The following FAM53A variants were observed in gnomAD, a reference collection of about 807,000 sequenced individuals.
FAM53A encodes family with sequence similarity 53 member A.
A neutral mutation model predicts 26.6 loss-of-function variants in FAM53A; 28 were observed. The observed-to-expected ratio is 1.05, with a 90% CI of 0.78 to 1.45. The LOEUF (loss-of-function observed/expected upper bound fraction) is 1.45. FAM53A is among the 40% of genes most tolerant of loss of function. FAM53A has a pLI of 0.00. For missense variants in FAM53A, 650 were observed against 575.8 expected (o/e 1.13, Z -1.32); for synonymous variants, 290 against 253.1 (o/e 1.15, Z -1.38).
chr4:1,584,022 T>C, the FAM53A span, among the ~76,000 whole-genome samples: 1 of 152,212 alleles, frequency 6.6e-6, no homozygotes, highest in Non-Finnish European at 1.5e-5. Context: ...CCCTTTTTCT[T>C]TTGGAGGCCT....
the FAM53A span, among the ~76,000 whole-genome samples, chr4:1,606,398 C>T: frequency 2.6e-5 from 4 of 151,962 alleles, no homozygotes; most frequent in Non-Finnish European, 4.4e-5. Flanking sequence ...CACTCCCCAC[C>T]CCTCCACGGT....
downstream of FAM53A, among the ~76,000 whole-genome samples, chr4:1,614,988 C>T (rs1156418879): frequency 6.6e-6 from 1 of 152,194 alleles, no homozygotes; most frequent in Non-Finnish European, 1.5e-5. Context: ...AAAAACATGG[C>T]ACACGCAAAC....
chr4:1,625,761 A>ATGTGGT (rs1307313175), intron 1 of FAM53A, among the ~76,000 whole-genome samples: 2 of 124,632 alleles, frequency 1.6e-5, no homozygotes, highest in African/African-American at 6.5e-5. Flanking sequence ...GTCCCGGCCC[A>ATGTGGT]CATGGTCAGG....
At chr4:1,588,187 T>C in the FAM53A span, among the ~76,000 whole-genome samples, 1 of 152,250 alleles carries the variant, frequency 6.6e-6, no homozygotes, top group African/African-American at 2.4e-5. Flanking sequence ...GCGTCCTTCC[T>C]CAGGTGAATT....
At chr4:1,583,142 G>A in the FAM53A span, among the ~76,000 whole-genome samples, 1 of 152,180 alleles carries the variant, frequency 6.6e-6, no homozygotes, top group East Asian at 1.9e-4. Flanking sequence ...GGGTGTGCTG[G>A]GTGAACACAC....
chr4:1,598,658 AAAG>A, the FAM53A span, among the ~76,000 whole-genome samples: 1 of 152,240 alleles, frequency 6.6e-6, no homozygotes, highest in African/African-American at 2.4e-5. Context: ...CTTTAAAAAA[AAAG>A]AGCCACTGAT....
At chr4:1,604,889 G>C in the FAM53A span, among the ~76,000 whole-genome samples, 1 of 152,134 alleles carries the variant, frequency 6.6e-6, no homozygotes, top group African/African-American at 2.4e-5. Flanking sequence ...CTGTCTGCCA[G>C]CTGCTCCCAG....
chr4:1,638,929 C>G (rs770466714), downstream of FAM53A, among the ~76,000 whole-genome samples: 1 of 152,194 alleles, frequency 6.6e-6, no homozygotes, highest in Non-Finnish European at 1.5e-5. Context: ...CGGGAGGGGA[C>G]GCCGGGTGGA....
intron 1 of FAM53A, among the ~76,000 whole-genome samples, chr4:1,681,525 T>G (rs1288631200): frequency 8.0e-6 from 1 of 124,748 alleles, no homozygotes; most frequent in Admixed American, 8.0e-5. Context: ...ACTCAAATCT[T>G]TTTTTTTTTT....
intron 1 of FAM53A, among the ~76,000 whole-genome samples, chr4:1,622,855 G>A (rs1715106532): frequency 6.6e-6 from 1 of 152,184 alleles, no homozygotes; most frequent in South Asian, 2.1e-4. Flanking sequence ...TGCCTCGAGG[G>A]GCCCCTGCCA....
chr4:1,580,446 C>A, the FAM53A span, among the ~76,000 whole-genome samples: 2 of 152,176 alleles, frequency 1.3e-5, no homozygotes, highest in African/African-American at 4.8e-5. Flanking sequence ...TGGGGCAGAA[C>A]CGGACGGCGC....
intron 1 of FAM53A, among the ~76,000 whole-genome samples, chr4:1,676,451 G>A (rs1715049763): frequency 6.6e-6 from 1 of 152,086 alleles, no homozygotes; most frequent in Non-Finnish European, 1.5e-5. Flanking sequence ...TACTGGGGGG[G>A]GTCAGGACTT....
At chr4:1,584,714 C>G in the FAM53A span, among the ~76,000 whole-genome samples, 2 of 152,260 alleles carry the variant, frequency 1.3e-5, no homozygotes, top group African/African-American at 2.4e-5. Flanking sequence ...TGTGGCCCCT[C>G]CAGCATGGCG....
At chr4:1,602,031 G>A in the FAM53A span, among the ~76,000 whole-genome samples, 1 of 150,822 alleles carries the variant, frequency 6.6e-6, no homozygotes, top group East Asian at 2.0e-4. Context: ...TGGGATGGTG[G>A]AGGTGGGCCG....
the FAM53A span, among the ~76,000 whole-genome samples, chr4:1,587,099 CTA>C: frequency 6.6e-6 from 1 of 152,186 alleles, no homozygotes; most frequent in Non-Finnish European, 1.5e-5. Flanking sequence ...TGTTTTCCTG[CTA>C]TTGGGTTGTT....
the FAM53A span, among the ~76,000 whole-genome samples, chr4:1,602,620 G>C: frequency 2.6e-5 from 4 of 152,200 alleles, no homozygotes; most frequent in Admixed American, 1.3e-4. Flanking sequence ...CTTCAAAGCT[G>C]GGGGGAGAGA....
At position 1,625,527 on chromosome 4, in the gene FAM53A, G is replaced by T. The variant is rs1301145949; in HGVS notation, c.432-7416C>A. Among the ~76,000 whole-genome samples, 6 of 68,366 alleles carry T rather than the reference G, an allele frequency of 8.8e-5. 1 individual carries two copies. Among genetic ancestry groups the T allele is most frequent in the Non-Finnish European group, 1.6e-4 (6 of 38,212 alleles). The allele number at this position is 68,366 out of a possible 152,430, so 44.9% of individuals were successfully genotyped here. On this transcript the variant is annotated intron_variant, in intron 1 of 1. Coordinates refer to the FAM53A transcript ENST00000489029. Reference sequence around the variant, plus strand: ...CACGTCCCGGCCCACGTGGTCAGGGGTCACACCAGGTGATCAGAAGGCCCC... The same window carrying T: ...CACGTCCCGGCCCACGTGGTCAGGGTTCACACCAGGTGATCAGAAGGCCCC...
chr4:1,664,101 G>C (rs1476040490), intron 2 of FAM53A, among the ~76,000 whole-genome samples: 2 of 152,170 alleles, frequency 1.3e-5, no homozygotes, highest in African/African-American at 4.8e-5. Flanking sequence ...TGGACTCCCT[G>C]AACAAATTCT....
In FAM53A at chr4:1,655,480, G is replaced by A. The variant is rs757416715; in HGVS notation, c.380C>T (p.Pro127Leu). 6.3e-7 allele frequency: 1 copy of A among 1,575,678 alleles called. No homozygotes were observed. Among genetic ancestry groups the A allele is most frequent in the Non-Finnish European group, 8.6e-7 (1 of 1,159,488 alleles). Residue 127 changes from proline to leucine, a missense_variant, in exon 4 of 5, where the codon CCC becomes CTC. By Grantham distance (98) the Pro-to-Leu change is moderately conservative. Coordinates refer to ENST00000308132, the MANE Select transcript of FAM53A (RefSeq NM_001174070.3). ...GGACCGGCAGCGCACAAGCTCCTCG[G>A]GTTCTGACAAGGACCGGCAATGCCG... ...TKRHCRSLSE[P>L]EELVRCRSPW...
Sources: allele counts gnomAD v4.1 joint callset (sites outside exome capture counted in the v4.1 genomes callset), GRCh38; gene constraint gnomAD v4.1.1; transcripts MANE v1.5; gene names NCBI Gene and HGNC (gene_info 2026-07-23, HGNC 2026-07-21).